Variants in BMPR1B observed in about 807,000 individuals in gnomAD.
BMPR1B encodes bone morphogenetic protein receptor type 1B, also known as bone morphogenetic protein receptor type-1B.
In BMPR1B, 12 loss-of-function variants were observed where a neutral mutation model predicts 59.1. The observed-to-expected ratio is 0.20, with a 90% CI of 0.13 to 0.33. BMPR1B has a LOEUF of 0.33. BMPR1B is among the 10% of genes least tolerant of loss of function. The probability of loss-of-function intolerance (pLI) is 1.00; values close to 1 mark genes in which losing one functional copy is unlikely to be tolerated. For missense variants in BMPR1B, 550 were observed against 610.9 expected, an observed-to-expected ratio of 0.90 and a Z score of 1.05; for synonymous variants, 237 against 207.3, an observed-to-expected ratio of 1.14 and a Z score of -1.23.
Position 94,758,022 on chromosome 4 carries a change from C to T in BMPR1B, c.-229C>T, listed in dbSNP as rs563992994. 1.7e-4 allele frequency: 25 copies of T among 145,782 alleles called. 1 individual carries two copies. In the South Asian group the frequency reaches 4.3e-3, roughly 25 times the overall value. The allele number at this position is 145,782 out of a possible 1,614,324, so 9.0% of individuals were successfully genotyped here. A position where few individuals can be genotyped will look rare whatever the true frequency, so the allele number is the denominator to read the frequency against. On this transcript the variant is annotated 5_prime_UTR_variant, in exon 1 of 13. Transcript: ENST00000515059. ...GGGCCTCGCGGGACGCCGGGCAGTGCGGAGACCGCGGCGCTGAGGACGCGG... is the reference window on the plus strand; with the variant it reads ...GGGCCTCGCGGGACGCCGGGCAGTGTGGAGACCGCGGCGCTGAGGACGCGG...
chr4:94,987,096 A>G (rs1366694232), intron 2 of BMPR1B, among the ~76,000 whole-genome samples: 2 of 20,250 alleles, frequency 9.9e-5, no homozygotes, highest in Non-Finnish European at 2.4e-4. Context: ...TGTATTATAT[A>G]TACTATATAT....
At chr4:94,901,897 T>C (rs1319620350) in intron 2 of BMPR1B, among the ~76,000 whole-genome samples, 1 of 151,954 alleles carries the variant, frequency 6.6e-6, no homozygotes, top group Non-Finnish European at 1.5e-5. Context: ...GTACTACTTG[T>C]ATATGTGTGT....
chr4:94,916,196 G>A (rs1170256170), intron 2 of BMPR1B, among the ~76,000 whole-genome samples: 1 of 152,164 alleles, frequency 6.6e-6, no homozygotes, highest in Non-Finnish European at 1.5e-5. Context: ...GAGGAGTTAG[G>A]CATTACTAAA....
chr4:94,869,857 T>C (rs17022396), intron 1 of BMPR1B, among the ~76,000 whole-genome samples: 5,757 of 152,304 alleles, frequency 0.038, 353 homozygotes, highest in African/African-American at 0.13. Context: ...TTGTAAGGAA[T>C]AGAGGCACCA....
At chr4:94,840,988 A>T (rs1228379983) in intron 1 of BMPR1B, among the ~76,000 whole-genome samples, 5 of 146,554 alleles carry the variant, frequency 3.4e-5, no homozygotes, top group African/African-American at 1.3e-4. Flanking sequence ...AACAGACAGG[A>T]CCCTCAGCTG....
intron 2 of BMPR1B, among the ~76,000 whole-genome samples, chr4:94,951,862 AT>A (rs1196319172): frequency 3.3e-5 from 5 of 151,462 alleles, no homozygotes; most frequent in Non-Finnish European, 5.9e-5. Context: ...CTCTGGAAGA[AT>A]TTGGCTGTGA....
intron 1 of BMPR1B, among the ~76,000 whole-genome samples, chr4:94,762,525 CACTG>C (rs1003810688): frequency 2.6e-5 from 4 of 152,100 alleles, no homozygotes; most frequent in African/African-American, 9.7e-5. Flanking sequence ...GCTAGGCACT[CACTG>C]GCCAGGGAGG....
At chr4:95,129,260 T>G (rs915328076) in intron 8 of BMPR1B, among the ~76,000 whole-genome samples, 2 of 152,160 alleles carry the variant, frequency 1.3e-5, no homozygotes, top group African/African-American at 2.4e-5. Context: ...TAGGTTCAGT[T>G]CCTCTGGTTT....
intron 2 of BMPR1B, among the ~76,000 whole-genome samples, chr4:94,933,774 A>G (rs1272877658): frequency 2.0e-5 from 3 of 152,128 alleles, no homozygotes; most frequent in Non-Finnish European, 2.9e-5. Context: ...AGACAATCTC[A>G]ACACCCAATT....
intron 1 of BMPR1B, among the ~76,000 whole-genome samples, chr4:94,762,579 C>A (rs1447042306): frequency 2.6e-5 from 4 of 152,122 alleles, no homozygotes; most frequent in Non-Finnish European, 5.9e-5. Context: ...GGAATGAGGT[C>A]AGAGAGGTGG....
intron 2 of BMPR1B, among the ~76,000 whole-genome samples, chr4:94,917,246 G>A (rs1329866609): frequency 6.6e-6 from 1 of 152,224 alleles, no homozygotes; most frequent in East Asian, 1.9e-4. Context: ...ATTCCCAGTG[G>A]GGCACTGTCT....
chr4:94,909,234 G>T (rs1222226480), intron 2 of BMPR1B, among the ~76,000 whole-genome samples: 1 of 152,008 alleles, frequency 6.6e-6, no homozygotes, highest in East Asian at 1.9e-4. Context: ...TTATGTCTGG[G>T]AATATAATAG....
At chr4:94,778,354 G>A (rs1307405039) in intron 1 of BMPR1B, among the ~76,000 whole-genome samples, 1 of 152,040 alleles carries the variant, frequency 6.6e-6, no homozygotes, top group Non-Finnish European at 1.5e-5. Flanking sequence ...AGTGTCCTGT[G>A]TTTTACTTTT....
intron 2 of BMPR1B, among the ~76,000 whole-genome samples, chr4:94,957,997 T>G (rs1730220425): frequency 1.3e-5 from 2 of 152,124 alleles, no homozygotes; most frequent in South Asian, 4.1e-4. Flanking sequence ...TAAAAATATA[T>G]GGAATAAAAG....
intron 2 of BMPR1B, among the ~76,000 whole-genome samples, chr4:94,926,326 G>A (rs972415083): frequency 7.2e-5 from 11 of 151,884 alleles, no homozygotes; most frequent in African/African-American, 1.5e-4. Context: ...GGTCTTATCC[G>A]TAAAGACCAA....
chr4:95,080,128 C>A (rs1029085311), intron 3 of BMPR1B, among the ~76,000 whole-genome samples: 5 of 152,138 alleles, frequency 3.3e-5, no homozygotes, highest in Admixed American at 2.0e-4. Context: ...TTTCTTAATT[C>A]TTTTCTTTTT....
At chr4:94,916,759 G>A (rs1223631695) in intron 2 of BMPR1B, among the ~76,000 whole-genome samples, 1 of 152,238 alleles carries the variant, frequency 6.6e-6, no homozygotes, top group Non-Finnish European at 1.5e-5. Flanking sequence ...ACTTGGGAGA[G>A]AAATTTGCAT....
chr4:95,083,895 G>A (rs912836068), intron 3 of BMPR1B, among the ~76,000 whole-genome samples: 8 of 152,040 alleles, frequency 5.3e-5, no homozygotes, highest in Non-Finnish European at 1.2e-4. Context: ...AATATATTTT[G>A]TAGATAATAA....
intron 2 of BMPR1B, among the ~76,000 whole-genome samples, chr4:94,946,409 T>C (rs890862001): frequency 6.6e-6 from 1 of 152,208 alleles, no homozygotes; most frequent in African/African-American, 2.4e-5. Context: ...TACCAGTTTT[T>C]ATATATCACT....
Sources: gnomAD v4.1 joint callset for allele counts (sites outside exome capture counted in the v4.1 genomes callset) on GRCh38, gnomAD v4.1.1 for gene constraint, MANE v1.5 for transcripts, NCBI Gene and HGNC (gene_info 2026-07-23, HGNC 2026-07-21) for gene names.